The following BMPR2 variants were observed in gnomAD, a reference collection of about 807,000 sequenced individuals.
BMPR2 encodes bone morphogenetic protein receptor type 2, also known as bone morphogenetic protein receptor type-2.
BMPR2 carries 29 observed loss-of-function variants against 100.8 expected under a neutral mutation model. That is an observed-to-expected ratio of 0.29 (90% CI 0.21 to 0.39). The LOEUF (loss-of-function observed/expected upper bound fraction) is 0.39, where lower values mean the gene tolerates loss of function less well. Ranked by LOEUF, BMPR2 falls within the 10% of genes least tolerant of loss-of-function variation. The pLI is 1.00. For missense variants in BMPR2, 1,011 were observed against 1,274.5 expected, an observed-to-expected ratio of 0.79 and a Z score of 3.15; for synonymous variants, 382 against 442.3, an observed-to-expected ratio of 0.86 and a Z score of 1.71.
intron 3 of BMPR2, among the ~76,000 whole-genome samples, chr2:202,476,963 A>AT (rs397987377): frequency 6.6e-6 from 1 of 151,100 alleles, no homozygotes; most frequent in Non-Finnish European, 1.5e-5. Flanking sequence ...AAAAAAAAAA[A>AT]GGATAATTTG....
At position 202,547,250 on chromosome 2, in the gene BMPR2, C is replaced by T. The variant is rs150649996; in HGVS notation, c.1413+4803C>T. On this transcript the variant is annotated intron_variant, in intron 10 of 12. Transcript: ENST00000374580. ...CATTCTTTTCCAGTTTTTTGTCACC[C>T]ATACTATAGTGCAGGGGGACAATAA... 3.3e-4 allele frequency among the ~76,000 whole-genome samples: 50 copies of T among 152,140 alleles called. 1 individual carries two copies. The highest frequency in any genetic ancestry group is 8.5e-4 in the Admixed American group (13 of 15,274).
At chr2:202,377,581 A>C (rs772857119) in intron 1 of BMPR2, 31 bp downstream of exon 1, 14 of 1,611,818 alleles carry the variant, frequency 8.7e-6, no homozygotes, top group Non-Finnish European at 8.5e-7. Context: ...CGTCCCGGCC[A>C]CTGCCCCTGC....
At chr2:202,378,922 T>A (rs367680475) in intron 1 of BMPR2, among the ~76,000 whole-genome samples, 10 of 152,230 alleles carry the variant, frequency 6.6e-5, no homozygotes, top group African/African-American at 2.4e-4. Context: ...TGTTATTTGT[T>A]ATTCTTAACC....
chr2:202,551,026 G>A (rs945815328), intron 10 of BMPR2, among the ~76,000 whole-genome samples: 8 of 140,198 alleles, frequency 5.7e-5, no homozygotes, highest in African/African-American at 2.1e-4. Context: ...GCGCGATCTC[G>A]GCTCACTCCA....
At chr2:202,502,369 G>GTGAAAGAAAGGGACAGGAAA in intron 3 of BMPR2, among the ~76,000 whole-genome samples, 1 of 151,622 alleles carries the variant, frequency 6.6e-6, no homozygotes, top group Non-Finnish European at 1.5e-5. Context: ...GGGACAGGAA[G>GTGAAAGAAAGGGACAGGAAA]TCAAAGAAAG....
At chr2:202,419,660 T>A (rs555115828) in intron 1 of BMPR2, among the ~76,000 whole-genome samples, 1 of 152,098 alleles carries the variant, frequency 6.6e-6, no homozygotes, top group Non-Finnish European at 1.5e-5. Flanking sequence ...TGGTGTATGT[T>A]TTTTTTAAAT....
Position 202,555,342 on chromosome 2 carries a change from T to A in BMPR2, c.1677T>A (p.Thr559=), listed in dbSNP as rs748684688. The A allele has an allele frequency of 5.7e-5, 92 of 1,614,078 alleles. No individual in the cohort carries two copies. The highest frequency in any genetic ancestry group is 7.1e-5 in the Non-Finnish European group (84 of 1,180,014). The change falls in exon 12 of 13, where the codon ACT becomes ACA. Residue 559 remains threonine, a synonymous_variant. Transcript: ENST00000374580. ...SSYIEDSIHH[T]DSIVKNISSE... is the part of the protein sequence containing the mutation. Reference sequence around the variant, plus strand: ...ACATTGAAGACTCTATCCATCATACTGACAGCATCGTGAAGAATATTTCCT... The same window carrying A: ...ACATTGAAGACTCTATCCATCATACAGACAGCATCGTGAAGAATATTTCCT...
chr2:202,564,364 T>A lies in BMPR2; in HGVS notation c.*4418T>A, dbSNP rs1245270167. On this transcript the variant is annotated 3_prime_UTR_variant, in exon 13 of 13. Coordinates refer to ENST00000374580, the MANE Select transcript of BMPR2 (RefSeq NM_001204.7). ...CTTCATATATTGCTTTATCTTCCCA[T>A]CTAACTTCTTAAAGTTAAAATCCGG... The A allele has an allele frequency of 6.6e-6, 1 of 152,214 alleles. No homozygotes were observed. The highest frequency in any genetic ancestry group is 1.5e-5 in the Non-Finnish European group (1 of 68,036). The allele number at this position is 152,214 out of a possible 1,614,324, so 9.4% of individuals were successfully genotyped here.
Position 202,507,740 on chromosome 2 carries a change from C to T in BMPR2, c.419-5979C>T, listed in dbSNP as rs542395377. ...CTGAGATGGAGTTTCACTCTTGTTG[C>T]CCATGCTGGAGTGCAATGGCGCCAT... On this transcript the variant is annotated intron_variant, in intron 3 of 12. Coordinates refer to ENST00000374580, the MANE Select transcript of BMPR2 (RefSeq NM_001204.7). Among the ~76,000 whole-genome samples the T allele has an allele frequency of 3.9e-4, 59 of 150,948 alleles. 1 individual carries two copies. In the South Asian group the frequency reaches 0.012, roughly 31 times the overall value.
At chr2:202,380,510 C>T (rs1047454913) in intron 1 of BMPR2, among the ~76,000 whole-genome samples, 2 of 151,920 alleles carry the variant, frequency 1.3e-5, no homozygotes, top group African/African-American at 4.8e-5. Context: ...TATTTTTGGC[C>T]CTATAGTCCA....
intron 2 of BMPR2, chr2:202,467,117 G>A (rs1026885564): frequency 9.9e-5 from 27 of 273,140 alleles, no homozygotes; most frequent in Non-Finnish European, 1.7e-4. Flanking sequence ...AAAATTAGCC[G>A]GGCATGGTGG....
At position 202,563,880 on chromosome 2, in the gene BMPR2, A is replaced by T. The variant is rs1251547872; in HGVS notation, c.*3934A>T. On this transcript the variant is annotated 3_prime_UTR_variant, in exon 13 of 13. Coordinates refer to ENST00000374580, the MANE Select transcript of BMPR2 (RefSeq NM_001204.7). ...ACTAATTGAGTAGGATATAGGAAGG[A>T]TACAAGGATATAATGTCCTTTTTAT... 6.6e-6 allele frequency: 1 copy of T among 152,236 alleles called. No homozygotes were observed. The highest frequency in any genetic ancestry group is 2.4e-5 in the African/African-American group (1 of 41,458). 9.4% of individuals were successfully genotyped at this position (152,236 alleles called of 1,614,324 possible). A position where few individuals can be genotyped will look rare whatever the true frequency, so the allele number is the denominator to read the frequency against.
chr2:202,496,766 G>C (rs762284979), intron 3 of BMPR2, among the ~76,000 whole-genome samples: 1 of 152,216 alleles, frequency 6.6e-6, no homozygotes, highest in Non-Finnish European at 1.5e-5. Flanking sequence ...TACCGCCCTC[G>C]CTCGCTCTCA....
chr2:202,455,991 G>C (rs1016731020), intron 1 of BMPR2, among the ~76,000 whole-genome samples: 1 of 141,696 alleles, frequency 7.1e-6, no homozygotes, highest in African/African-American at 2.6e-5. Flanking sequence ...TGTGAACCGG[G>C]GAGGCAGAGC....
At chr2:202,475,322 C>T (rs1460154815) in intron 3 of BMPR2, among the ~76,000 whole-genome samples, 2 of 152,092 alleles carry the variant, frequency 1.3e-5, no homozygotes, top group African/African-American at 2.4e-5. Flanking sequence ...GCGTGAGTCA[C>T]CACGCCCGGC....
At chr2:202,497,207 C>A (rs1693053074) in intron 3 of BMPR2, among the ~76,000 whole-genome samples, 1 of 152,222 alleles carries the variant, frequency 6.6e-6, no homozygotes, top group Admixed American at 6.5e-5. Flanking sequence ...TCCATGGGCC[C>A]CTGTGCGGCC....
chr2:202,501,108 C>T (rs1421034539), intron 3 of BMPR2, among the ~76,000 whole-genome samples: 1 of 152,184 alleles, frequency 6.6e-6, no homozygotes, highest in Non-Finnish European at 1.5e-5. Context: ...AACTTTCTAG[C>T]TAATCAAGGG....
intron 1 of BMPR2, among the ~76,000 whole-genome samples, chr2:202,408,445 A>G (rs527685461): frequency 7.2e-5 from 11 of 152,326 alleles, no homozygotes; most frequent in African/African-American, 2.6e-4. Context: ...GCTTTTCATT[A>G]TCACCAGATC....
At chr2:202,520,769 C>G (rs1687806110) in intron 7 of BMPR2, 1 of 155,786 alleles carries the variant, frequency 6.4e-6, no homozygotes, top group African/African-American at 2.4e-5. Flanking sequence ...ACGTCCGAAG[C>G]CTTGAAGAAA....
Sources: gnomAD v4.1 joint callset for allele counts (sites outside exome capture counted in the v4.1 genomes callset) on GRCh38, gnomAD v4.1.1 for gene constraint, MANE v1.5 for transcripts, NCBI Gene and HGNC (gene_info 2026-07-23, HGNC 2026-07-21) for gene names.